SFSWAP: variants seen among roughly 807,000 people sequenced by gnomAD.
SFSWAP encodes the protein splicing factor, suppressor of white-apricot homolog.
In SFSWAP, 17 loss-of-function variants were observed where a neutral mutation model predicts 100.7. The ratio of observed to expected loss-of-function variants is 0.17; its 90% CI spans 0.12 to 0.25. The LOEUF is 0.25. Among genes scored for constraint, SFSWAP ranks in the 10% least tolerant of loss-of-function variants. SFSWAP has a pLI of 1.00. For synonymous variants in SFSWAP, 504 were observed against 510.1 expected (o/e 0.99, Z 0.16); for missense variants, 1,005 against 1,262.6 (o/e 0.80, Z 3.09).
intron 13 of SFSWAP, among the ~76,000 whole-genome samples, chr12:131,777,790 ACTG>A (rs747697428): frequency 1.3e-5 from 2 of 152,132 alleles, no homozygotes; most frequent in Non-Finnish European, 2.9e-5. Flanking sequence ...ATACTCTAAT[ACTG>A]TGCTCCTCTT....
intron 15 of SFSWAP, among the ~76,000 whole-genome samples, chr12:131,787,441 G>A (rs540545439): frequency 6.6e-6 from 1 of 152,072 alleles, no homozygotes; most frequent in South Asian, 2.1e-4. Flanking sequence ...CCTTGCGTGG[G>A]GCAGCCGTGC....
intron 7 of SFSWAP, among the ~76,000 whole-genome samples, chr12:131,738,975 C>CCTCAACCTCCCAGG (rs71072786): frequency 0.93 from 136,025 of 145,800 alleles, 64,141 homozygotes; most frequent in East Asian, 1. Flanking sequence ...CTCACTGCAA[C>CCTCAACCTCCCAGG]CTCAAGCTAT....
intron 13 of SFSWAP, among the ~76,000 whole-genome samples, chr12:131,777,304 C>T (rs1395688191): frequency 6.6e-6 from 1 of 152,170 alleles, no homozygotes; most frequent in African/African-American, 2.4e-5. Context: ...CACCCCACCC[C>T]ACAACAGGCC....
chr12:131,741,362 A>AT (rs1242151776), intron 7 of SFSWAP, among the ~76,000 whole-genome samples: 1 of 152,150 alleles, frequency 6.6e-6, no homozygotes, highest in Non-Finnish European at 1.5e-5. Context: ...CAGGCCAGCC[A>AT]TGGTGGCTCA....
chr12:131,778,140 A>T lies in SFSWAP; in HGVS notation c.2218A>T (p.Arg740Trp). 6.2e-7 allele frequency: 1 copy of T among 1,614,140 alleles called. No homozygotes were observed. Among genetic ancestry groups the T allele is most frequent in the Non-Finnish European group, 8.5e-7 (1 of 1,180,030 alleles). Reference sequence around the variant, plus strand: ...TACTTTAGAAGTTAAACCACCCGATAGGCCTTCGAGCAAAAGCAAAGATCC... The same window carrying T: ...TACTTTAGAAGTTAAACCACCCGATTGGCCTTCGAGCAAAAGCAAAGATCC... Reference protein sequence around the residue: ...LPTLEVKPPDRPSSKSKDPPR... With the variant: ...LPTLEVKPPDWPSSKSKDPPR... The change falls in exon 14 of 18, where the codon AGG becomes TGG. Residue 740 changes from arginine (R) to tryptophan (W), a missense_variant. Transcript: ENST00000261674. This position sits in a 1 kb window ranked among gnomAD's most constrained non-coding sequence, Gnocchi z 4.2.
chr12:131,742,757 C>G (rs980150598), intron 7 of SFSWAP, among the ~76,000 whole-genome samples: 2 of 151,950 alleles, frequency 1.3e-5, no homozygotes, highest in African/African-American at 4.8e-5. Flanking sequence ...ATTAACAGAT[C>G]ATTGGAAACC....
chr12:131,756,556 C>T lies in SFSWAP; in HGVS notation c.1632C>T (p.Asp544=), dbSNP rs771910207. Residue 544 remains aspartate (D), a synonymous_variant, in exon 11 of 18, where the codon GAC becomes GAT. Transcript: ENST00000261674. ...SDAGEDGAPE[D]AAEVGARAGS... is the part of the protein sequence containing the mutation. The stretch of plus-strand genomic sequence containing the variant: ...CTGGGGAGGATGGCGCGCCTGAAGA[C>T]GCAGCCGAGGTGGGAGCACGGGCAG... The T allele has an allele frequency of 6.8e-6, 11 of 1,613,858 alleles. No homozygotes were observed. Among genetic ancestry groups the T allele is most frequent in the Middle Eastern group, 1.6e-4 (1 of 6,062 alleles).
Position 131,778,916 on chromosome 12 carries a change from C to T in SFSWAP, c.2408+586C>T, listed in dbSNP as rs988872419. On this transcript the variant is annotated intron_variant, in intron 14 of 17. Coordinates refer to ENST00000261674, the MANE Select transcript of SFSWAP (RefSeq NM_004592.4). The surrounding 1 kb of genome is among the most constrained non-coding windows in gnomAD (Gnocchi z 4.2). ...CTGGAAGCAAGCCTACCACATTTGCCGATTGTGTGAAAGATTCACAGGGTG... is the reference window on the plus strand; with the variant it reads ...CTGGAAGCAAGCCTACCACATTTGCTGATTGTGTGAAAGATTCACAGGGTG... 2.0e-5 allele frequency among the ~76,000 whole-genome samples: 3 copies of T among 151,798 alleles called. No homozygotes were observed. The highest frequency in any genetic ancestry group is 3.9e-4 in the East Asian group (2 of 5,104).
Position 131,786,600 on chromosome 12 carries a change from G to T in SFSWAP, c.2534+12G>T. 6.3e-7 allele frequency: 1 copy of T among 1,586,818 alleles called. No homozygotes were observed. The highest frequency in any genetic ancestry group is 1.8e-5 in the Admixed American group (1 of 56,030). ...CGGACCCGCTCCAGGTAGGCCACTG[G>T]GTGTGCACGCAGGTGCTGGATGTGG... On this transcript the variant is annotated intron_variant, in intron 15 of 17. Transcript: ENST00000261674.
rs761876547 is a variant in SFSWAP at position 131,755,483 on chromosome 12, C to T, written c.1548+4C>T. Reference sequence around the variant, plus strand: ...AGAAGGGGGCGATAGCATGCAGGTACGTGTCTGAATGCAGGGAGGCTGTGA... The same window carrying T: ...AGAAGGGGGCGATAGCATGCAGGTATGTGTCTGAATGCAGGGAGGCTGTGA... On this transcript the variant is annotated splice_donor_region_variant and intron_variant, in intron 10 of 17. Transcript: ENST00000261674. 19 of 1,605,154 alleles carry T rather than the reference C, an allele frequency of 1.2e-5. No individual in the cohort carries two copies. Among genetic ancestry groups the T allele is most frequent in the South Asian group, 1.1e-4 (10 of 90,844 alleles).
chr12:131,747,385 C>T (rs1439052199), intron 7 of SFSWAP, among the ~76,000 whole-genome samples: 1 of 152,124 alleles, frequency 6.6e-6, no homozygotes, highest in East Asian at 1.9e-4. Flanking sequence ...GACCAGAGAC[C>T]AGAGGAAGTG....
At chr12:131,746,280 G>C (rs1246535019) in intron 7 of SFSWAP, among the ~76,000 whole-genome samples, 1 of 152,250 alleles carries the variant, frequency 6.6e-6, no homozygotes, top group East Asian at 1.9e-4. Context: ...GTGGTTCTCA[G>C]ATGGAGCTGT....
intron 1 of SFSWAP, chr12:131,712,804 G>A (rs188994378): frequency 9.2e-5 from 14 of 152,192 alleles, no homozygotes; most frequent in Non-Finnish European, 2.1e-4. Context: ...TTTCCAAAGT[G>A]TCACTTGTGT....
Position 131,734,169 on chromosome 12 carries a change from C to T in SFSWAP, c.1081+5741C>T, listed in dbSNP as rs992754749. Among the ~76,000 whole-genome samples the T allele has an allele frequency of 7.2e-5, 11 of 152,220 alleles. No homozygotes were observed. Among genetic ancestry groups the T allele is most frequent in the African/African-American group, 1.9e-4 (8 of 41,464 alleles). ...GCCAGGTGGCCCCTGGCACAGAGAG[C>T]GTGTTCATCGCTGGCTCCTGCCGCC... On this transcript the variant is annotated intron_variant, in intron 7 of 17. Transcript: ENST00000261674. This position sits in a 1 kb window ranked among gnomAD's most constrained non-coding sequence, Gnocchi z 4.9.
chr12:131,721,420 T>G (rs147884927), intron 4 of SFSWAP, among the ~76,000 whole-genome samples: 1 of 152,240 alleles, frequency 6.6e-6, no homozygotes, highest in African/African-American at 2.4e-5. Flanking sequence ...TTATATATAT[T>G]GTATTCCTAT....
In SFSWAP at chr12:131,794,102, C is replaced by T. The variant is rs1311060179; in HGVS notation, c.2535-3076C>T. ...ATAATTACCGAAAACTGGAAACAAC[C>T]AAATCTCTATTAACAGGAGAATGAA... On this transcript the variant is annotated intron_variant, in intron 15 of 17. Coordinates refer to ENST00000261674, the MANE Select transcript of SFSWAP (RefSeq NM_004592.4). This position sits in a 1 kb window ranked among gnomAD's most constrained non-coding sequence, Gnocchi z 4.8. Among the ~76,000 whole-genome samples the T allele has an allele frequency of 1.3e-5, 2 of 152,194 alleles. No individual in the cohort carries two copies. The highest frequency in any genetic ancestry group is 2.9e-5 in the Non-Finnish European group (2 of 68,030).
chr12:131,755,848 T>C (rs1484553592), intron 10 of SFSWAP, among the ~76,000 whole-genome samples: 1 of 152,240 alleles, frequency 6.6e-6, no homozygotes, highest in Non-Finnish European at 1.5e-5. Flanking sequence ...AAAATATAAG[T>C]GGGCGCCTCA....
intron 4 of SFSWAP, among the ~76,000 whole-genome samples, chr12:131,722,023 G>T (rs1052581423): frequency 3.3e-5 from 5 of 152,224 alleles, no homozygotes; most frequent in East Asian, 3.8e-4. Flanking sequence ...GAAGACAGAA[G>T]TGTCTGCATT....
At position 131,733,497 on chromosome 12, in the gene SFSWAP, A is replaced by C. The variant is rs11246782; in HGVS notation, c.1081+5069A>C. 0.18 allele frequency among the ~76,000 whole-genome samples: 27,545 copies of C among 151,952 alleles called. 3,152 individuals carry two copies. The highest frequency in any genetic ancestry group is 0.25 in the Non-Finnish European group (17,295 of 67,952). Reference sequence around the variant, plus strand: ...CTGCCTGCACTGCCCCACCGCTCAGAGGGCCACAGGAGCAGGGCTTCCTCC... The same window carrying C: ...CTGCCTGCACTGCCCCACCGCTCAGCGGGCCACAGGAGCAGGGCTTCCTCC... On this transcript the variant is annotated intron_variant, in intron 7 of 17. Coordinates refer to ENST00000261674, the MANE Select transcript of SFSWAP (RefSeq NM_004592.4). The surrounding 1 kb of genome is among the most constrained non-coding windows in gnomAD (Gnocchi z 5.1).
Sources: gnomAD v4.1 joint callset for allele counts (sites outside exome capture counted in the v4.1 genomes callset) on GRCh38, gnomAD v4.1.1 for gene constraint, Gnocchi (gnomAD v3.1) non-coding constraint, MANE v1.5 for transcripts, NCBI Gene and HGNC (gene_info 2026-07-23, HGNC 2026-07-21) for gene names.